The following SIM1 variants were observed in gnomAD, a reference collection of about 807,000 sequenced individuals.
The protein encoded by SIM1 is SIM bHLH transcription factor 1.
A neutral mutation model predicts 78.2 loss-of-function variants in SIM1; 18 were observed. The ratio of observed to expected loss-of-function variants is 0.23; its 90% CI spans 0.16 to 0.34. The LOEUF is 0.34. SIM1 is among the 10% of genes least tolerant of loss of function. The pLI is 1.00. For missense variants in SIM1, 939 were observed against 975.1 expected (o/e 0.96, Z 0.49); for synonymous variants, 417 against 385.2 (o/e 1.08, Z -0.97).
intron 10 of SIM1, among the ~76,000 whole-genome samples, chr6:100,412,715 G>GAA (rs1200397194): frequency 3.9e-5 from 5 of 129,150 alleles, no homozygotes; most frequent in African/African-American, 6.1e-5. Context: ...AAGAAAGAAA[G>GAA]AAAGAAAGAA....
intron 10 of SIM1, among the ~76,000 whole-genome samples, chr6:100,400,765 G>C (rs1377448266): frequency 2.0e-5 from 3 of 152,060 alleles, no homozygotes; most frequent in African/African-American, 7.2e-5. Context: ...TAATAAACGG[G>C]GAAACATAAA....
chr6:100,450,694 T>TCACACACACA (rs778944750), intron 3 of SIM1, among the ~76,000 whole-genome samples: 32 of 93,322 alleles, frequency 3.4e-4, no homozygotes, highest in Non-Finnish European at 5.8e-4. Context: ...TCTCTCTCTC[T>TCACACACACA]CTCACACACA....
chr6:100,436,302 C>T (rs1170345533), intron 9 of SIM1, among the ~76,000 whole-genome samples: 1 of 152,140 alleles, frequency 6.6e-6, no homozygotes, highest in African/African-American at 2.4e-5. Flanking sequence ...TTTTGATGTC[C>T]TCTGAACTGT....
chr6:100,438,980 G>C (rs533604356), intron 9 of SIM1, among the ~76,000 whole-genome samples: 9 of 152,228 alleles, frequency 5.9e-5, no homozygotes, highest in African/African-American at 1.9e-4. Flanking sequence ...TGTGGGGTGA[G>C]GAATAAGACT....
chr6:100,433,650 T>C (rs1771958473), intron 9 of SIM1, among the ~76,000 whole-genome samples: 1 of 151,828 alleles, frequency 6.6e-6, no homozygotes, highest in African/African-American at 2.4e-5. Flanking sequence ...TGTGGGAGGA[T>C]CTTTTGAGCC....
At chr6:100,397,205 G>A (rs192619463) in intron 10 of SIM1, among the ~76,000 whole-genome samples, 2 of 152,210 alleles carry the variant, frequency 1.3e-5, no homozygotes, top group East Asian at 1.9e-4. Context: ...CTGCCTTTTG[G>A]TCAATGAATT....
Position 100,393,592 on chromosome 6 carries a change from A to G in SIM1, c.1465T>C (p.Trp489Arg). 1.2e-6 allele frequency: 2 copies of G among 1,613,850 alleles called. No homozygotes were observed. The highest frequency in any genetic ancestry group is 8.5e-7 in the Non-Finnish European group (1 of 1,179,746). The change falls in exon 11 of 12, where the codon TGG becomes CGG. Residue 489 changes from tryptophan (W) to arginine (R), a missense_variant. By Grantham distance (101) the Trp-to-Arg change is moderately radical. This residue lies in a region of SIM1 where 556 missense variants were observed against 521.9 expected (regional missense o/e 1.07). Transcript: ENST00000369208. ...LGTPQAGREP[W>R]WGSRAALPLT... The stretch of plus-strand genomic sequence containing the variant: ...GGCAAGGCTGCGCGAGAGCCCCACC[A>G]GGGCTCCCTCCCGGCCTGCGGCGTT...
chr6:100,387,656 A>G lies in SIM1; in HGVS notation c.*2705T>C, dbSNP rs1205700028. On this transcript the variant is annotated 3_prime_UTR_variant, in exon 12 of 12. Transcript: ENST00000369208. Reference sequence around the variant, plus strand: ...TGGTTATGTACTTAAAACTGGGTCAATCTACCAAAATTTTGAATCAATATA... The same window carrying G: ...TGGTTATGTACTTAAAACTGGGTCAGTCTACCAAAATTTTGAATCAATATA... 4 of 152,128 alleles carry G rather than the reference A, an allele frequency of 2.6e-5. No homozygotes were observed. Among genetic ancestry groups the G allele is most frequent in the Non-Finnish European group, 1.5e-5 (1 of 67,960 alleles). 9.4% of individuals were successfully genotyped at this position (152,128 alleles called of 1,614,324 possible).
intron 10 of SIM1, among the ~76,000 whole-genome samples, chr6:100,412,016 G>A (rs1771203151): frequency 6.6e-6 from 1 of 152,092 alleles, no homozygotes; most frequent in Non-Finnish European, 1.5e-5. Context: ...AGGTTATTTA[G>A]GGCCCAATTA....
At chr6:100,408,261 T>C (rs948561357) in intron 10 of SIM1, among the ~76,000 whole-genome samples, 2 of 152,120 alleles carry the variant, frequency 1.3e-5, no homozygotes, top group Non-Finnish European at 2.9e-5. Flanking sequence ...ATCATATATA[T>C]GTGGGTTTAT....
rs1772423681 is a variant in SIM1, at chr6:100,448,535, G to T, written c.687C>A (p.Ser229Arg). The T allele has an allele frequency of 8.1e-6, 13 of 1,614,146 alleles. No individual in the cohort carries two copies. The highest frequency in any genetic ancestry group is 1.1e-5 in the Non-Finnish European group (13 of 1,180,032). ...GGCTGGCGCGGAACATAAACATATT[G>T]CTGTGTAGCTTGATCTCCGTGACGG... ...PSAVTEIKLH[S>R]NMFMFRASLD... The change falls in exon 7 of 12, where the codon AGC (serine) becomes AGA (arginine). Residue 229 changes from serine to arginine, a missense_variant. This residue lies in a region of SIM1 where 187 missense variants were observed against 191.6 expected (regional missense o/e 0.98). Transcript: ENST00000369208.
At chr6:100,405,352 T>C (rs1001597166) in intron 10 of SIM1, among the ~76,000 whole-genome samples, 3 of 152,104 alleles carry the variant, frequency 2.0e-5, no homozygotes, top group African/African-American at 7.2e-5. Context: ...TACTCATTTA[T>C]ACTATAAATA....
chr6:100,430,848 G>A (rs1771881760), intron 9 of SIM1, among the ~76,000 whole-genome samples: 1 of 152,050 alleles, frequency 6.6e-6, no homozygotes, highest in Non-Finnish European at 1.5e-5. Flanking sequence ...CTCTGGTGGA[G>A]GGGTGAAGGG....
intron 10 of SIM1, among the ~76,000 whole-genome samples, chr6:100,417,243 A>G (rs575549811): frequency 6.6e-6 from 1 of 152,338 alleles, no homozygotes; most frequent in East Asian, 1.9e-4. Context: ...TTCCTCAGCT[A>G]GGCCAGAGTC....
At chr6:100,426,147 G>A (rs1377859218) in intron 9 of SIM1, among the ~76,000 whole-genome samples, 1 of 152,148 alleles carries the variant, frequency 6.6e-6, no homozygotes, top group Non-Finnish European at 1.5e-5. Flanking sequence ...ATGATTTGTA[G>A]AGAGCTCCAC....
At chr6:100,397,546 T>C (rs562133414) in intron 10 of SIM1, among the ~76,000 whole-genome samples, 1 of 152,018 alleles carries the variant, frequency 6.6e-6, no homozygotes, top group South Asian at 2.1e-4. Flanking sequence ...CAGACTTAAA[T>C]GCAAAACCTA....
intron 10 of SIM1, among the ~76,000 whole-genome samples, chr6:100,412,357 C>T (rs763289667): frequency 1.3e-4 from 20 of 151,220 alleles, no homozygotes; most frequent in Non-Finnish European, 1.9e-4. Flanking sequence ...GCTAACATGG[C>T]GAAACGCTGT....
chr6:100,460,993 T>A (rs1282954993), intron 2 of SIM1, among the ~76,000 whole-genome samples: 1 of 151,742 alleles, frequency 6.6e-6, no homozygotes, highest in East Asian at 1.9e-4. Context: ...ACAAATGATG[T>A]GCCCAGAGTT....
At position 100,389,470 on chromosome 6, in the gene SIM1, T is replaced by G. The variant is rs539355167; in HGVS notation, c.*891A>C. 7.6e-6 allele frequency: 3 copies of G among 396,650 alleles called. No individual in the cohort carries two copies. Among genetic ancestry groups the G allele is most frequent in the Admixed American group, 8.8e-5 (2 of 22,712 alleles). The allele number at this position is 396,650 out of a possible 1,614,324, so 24.6% of individuals were successfully genotyped here. Reference sequence around the variant, plus strand: ...GGTTTGAATTTTTTATTTAGTTGGTTTTACAAGCAAACCCCAAATATGTTG... The same window carrying G: ...GGTTTGAATTTTTTATTTAGTTGGTGTTACAAGCAAACCCCAAATATGTTG... On this transcript the variant is annotated 3_prime_UTR_variant, in exon 12 of 12. Coordinates refer to ENST00000369208, the MANE Select transcript of SIM1 (RefSeq NM_005068.3).
Sources: allele counts gnomAD v4.1 joint callset (sites outside exome capture counted in the v4.1 genomes callset), GRCh38; gene constraint gnomAD v4.1.1; regional missense constraint gnomAD v4.1.1; transcripts MANE v1.5; gene names NCBI Gene and HGNC (gene_info 2026-07-23, HGNC 2026-07-21).